Variants in RBFOX1 observed in about 807,000 individuals in gnomAD.
RBFOX1 encodes RNA binding protein fox-1 homolog 1.
In RBFOX1, 8 loss-of-function variants were observed where a neutral mutation model predicts 57.7. That is an observed-to-expected ratio of 0.14 (90% CI 0.08 to 0.25). The LOEUF (loss-of-function observed/expected upper bound fraction) is 0.25. Ranked by LOEUF, RBFOX1 falls within the 10% of genes least tolerant of loss-of-function variation. The pLI is 1.00. For synonymous variants in RBFOX1, 326 were observed against 222.4 expected (o/e 1.47, Z -4.15); for missense variants, 611 against 548.5 (o/e 1.11, Z -1.14).
chr16:5,241,990 C>T (rs889589796), intron 1 of RBFOX1, among the ~76,000 whole-genome samples: 2 of 151,906 alleles, frequency 1.3e-5, no homozygotes, highest in African/African-American at 2.4e-5. Flanking sequence ...TGGTGTGTGC[C>T]TGCAGTCCCA....
rs371929471 is a variant in RBFOX1, at chr16:5,365,760, C to T, written c.220-101456C>T. 110 of 475,774 alleles carry T rather than the reference C, an allele frequency of 2.3e-4. 2 individuals are homozygous for T. In the East Asian group the frequency reaches 3.9e-3, roughly 17 times the overall value. The allele number at this position is 475,774 out of a possible 1,614,324, so 29.5% of individuals were successfully genotyped here. On this transcript the variant is annotated intron_variant, in intron 1 of 2. Transcript: ENST00000585867. ...TGAGCAGTGGTCATTTATCTCTGTC[C>T]GCCTTCTCTCCCACCTAAGTGCATG...
At chr16:5,419,607 C>T (rs1359557001) in intron 1 of RBFOX1, among the ~76,000 whole-genome samples, 3 of 151,834 alleles carry the variant, frequency 2.0e-5, no homozygotes, top group East Asian at 1.9e-4. Context: ...CAGTATTAAC[C>T]GTCACAGTCT....
intron 2 of RBFOX1, among the ~76,000 whole-genome samples, chr16:6,422,853 G>A (rs751888669): frequency 1.3e-5 from 2 of 152,168 alleles, no homozygotes; most frequent in Non-Finnish European, 2.9e-5. Context: ...ATTTGGCAAG[G>A]ACAGAGATCC....
At chr16:6,603,146 A>G (rs138554224) in intron 2 of RBFOX1, among the ~76,000 whole-genome samples, 212 of 152,316 alleles carry the variant, frequency 1.4e-3, no homozygotes, top group African/African-American at 4.9e-3. Context: ...TTACAGATCT[A>G]AAGAGAGACC....
intron 1 of RBFOX1, among the ~76,000 whole-genome samples, chr16:5,354,211 C>G (rs1035317279): frequency 2.0e-5 from 3 of 152,166 alleles, no homozygotes; most frequent in African/African-American, 7.2e-5. Context: ...GCTGATGTCT[C>G]CTGAGCACTA....
intron 4 of RBFOX1, among the ~76,000 whole-genome samples, chr16:5,918,099 C>T (rs950676182): frequency 6.6e-6 from 1 of 152,122 alleles, no homozygotes; most frequent in African/African-American, 2.4e-5. Context: ...TCTCTTAACA[C>T]AACTGCAGTT....
intron 3 of RBFOX1, among the ~76,000 whole-genome samples, chr16:6,986,680 C>G (rs1373678072): frequency 6.6e-6 from 1 of 152,120 alleles, no homozygotes; most frequent in Non-Finnish European, 1.5e-5. Context: ...TCTCCCTCCC[C>G]TTCTCTCTCT....
At chr16:6,459,628 A>T (rs368604929) in intron 2 of RBFOX1, among the ~76,000 whole-genome samples, 33 of 152,218 alleles carry the variant, frequency 2.2e-4, no homozygotes, top group African/African-American at 7.7e-4. Context: ...ATATCCAAAC[A>T]ATATAGATAT....
At chr16:5,283,084 C>T (rs1055397977) in intron 1 of RBFOX1, among the ~76,000 whole-genome samples, 1 of 152,226 alleles carries the variant, frequency 6.6e-6, no homozygotes, top group Non-Finnish European at 1.5e-5. Context: ...ACAACGTAGG[C>T]TGTGACTTCA....
intron 4 of RBFOX1, among the ~76,000 whole-genome samples, chr16:7,340,409 C>T (rs2096870299): frequency 6.6e-6 from 1 of 152,214 alleles, no homozygotes; most frequent in Admixed American, 6.5e-5. Context: ...TTGGCTTCTC[C>T]ATTCATGATC....
At chr16:5,323,399 C>G (rs998190787) in intron 1 of RBFOX1, among the ~76,000 whole-genome samples, 9 of 152,172 alleles carry the variant, frequency 5.9e-5, no homozygotes, top group African/African-American at 1.9e-4. Flanking sequence ...GGTCGTGACC[C>G]GCAGTTCGAA....
intron 2 of RBFOX1, among the ~76,000 whole-genome samples, chr16:5,532,758 A>G (rs1274631971): frequency 6.6e-6 from 1 of 152,178 alleles, no homozygotes; most frequent in Non-Finnish European, 1.5e-5. Context: ...ATCTTCACTC[A>G]TCCAGGTCCT....
At chr16:6,746,488 G>C (rs2073682279) in intron 3 of RBFOX1, among the ~76,000 whole-genome samples, 1 of 151,984 alleles carries the variant, frequency 6.6e-6, no homozygotes, top group Non-Finnish European at 1.5e-5. Context: ...ACCAGTCTAT[G>C]CAACATGGCA....
At chr16:5,465,223 G>T (rs751170208) in intron 1 of RBFOX1, among the ~76,000 whole-genome samples, 1 of 152,158 alleles carries the variant, frequency 6.6e-6, no homozygotes, top group African/African-American at 2.4e-5. Context: ...TTGCCTTGTA[G>T]GTGGCCATCT....
At chr16:6,809,111 C>T (rs1426038323) in intron 3 of RBFOX1, among the ~76,000 whole-genome samples, 1 of 152,182 alleles carries the variant, frequency 6.6e-6, no homozygotes. Context: ...AAAAGGCAAA[C>T]ACCAACCTGT....
At chr16:6,690,580 G>C (rs938983531) in intron 3 of RBFOX1, among the ~76,000 whole-genome samples, 9 of 152,024 alleles carry the variant, frequency 5.9e-5, no homozygotes, top group African/African-American at 2.2e-4. Context: ...GATGCAGGAT[G>C]ATCTTATGTA....
chr16:7,021,413 GT>G (rs951874303), intron 3 of RBFOX1, among the ~76,000 whole-genome samples: 13 of 142,512 alleles, frequency 9.1e-5, no homozygotes, highest in South Asian at 2.2e-4. Flanking sequence ...TTTTATGTAT[GT>G]TTTTTATATA....
At chr16:5,447,514 C>T (rs1420281441) in intron 1 of RBFOX1, among the ~76,000 whole-genome samples, 1 of 152,156 alleles carries the variant, frequency 6.6e-6, no homozygotes, top group Non-Finnish European at 1.5e-5. Flanking sequence ...TCTCCTGCCT[C>T]AGCCTCCCGA....
At chr16:6,952,653 A>T (rs2081002640) in intron 3 of RBFOX1, among the ~76,000 whole-genome samples, 1 of 151,984 alleles carries the variant, frequency 6.6e-6, no homozygotes, top group African/African-American at 2.4e-5. Flanking sequence ...TCCCTCCAAA[A>T]AAAAGAAAAG....
Sources: gnomAD v4.1 joint callset for allele counts (sites outside exome capture counted in the v4.1 genomes callset) on GRCh38, gnomAD v4.1.1 for gene constraint, MANE v1.5 for transcripts, NCBI Gene and HGNC (gene_info 2026-07-23, HGNC 2026-07-21) for gene names.